Variants in EFHD2 observed in about 807,000 individuals in gnomAD.
EFHD2 encodes EF-hand domain family member D2.
EFHD2 carries 12 observed loss-of-function variants against 20.3 expected under a neutral mutation model. The ratio of observed to expected loss-of-function variants is 0.59; its 90% CI spans 0.38 to 0.96. The LOEUF is 0.96. EFHD2 is among the 40% of genes least tolerant of loss of function. The probability of loss-of-function intolerance (pLI) is 0.00; values close to 1 mark genes in which losing one functional copy is unlikely to be tolerated. For missense variants in EFHD2, 250 were observed against 334.3 expected (o/e 0.75, Z 1.97); for synonymous variants, 131 against 143.9 (o/e 0.91, Z 0.64).
At chr1:15,414,494 C>A (rs1484961965) in intron 1 of EFHD2, among the ~76,000 whole-genome samples, 1 of 152,270 alleles carries the variant, frequency 6.6e-6, no homozygotes, top group Non-Finnish European at 1.5e-5. Context: ...TGTTGTATGG[C>A]GCTTAGCCCA....
At chr1:15,417,524 G>T (rs1707693567) in intron 1 of EFHD2, among the ~76,000 whole-genome samples, 1 of 152,192 alleles carries the variant, frequency 6.6e-6, no homozygotes, top group Middle Eastern at 3.4e-3. Context: ...CCGTGGGGGA[G>T]CCCCAAGCGC....
chr1:15,417,090 C>T (rs1440201726), intron 1 of EFHD2, among the ~76,000 whole-genome samples: 2 of 152,186 alleles, frequency 1.3e-5, no homozygotes, highest in Non-Finnish European at 2.9e-5. Context: ...GGATTACAGG[C>T]ATGAGCCACC....
chr1:15,423,174 G>A (rs1299865480), intron 1 of EFHD2, among the ~76,000 whole-genome samples: 1 of 152,220 alleles, frequency 6.6e-6, no homozygotes, highest in Non-Finnish European at 1.5e-5. Flanking sequence ...CCAGCTCCAG[G>A]TGGAGGCTGG....
rs895699755 is a variant in EFHD2 at position 15,413,064 on chromosome 1, G to A, written c.308+2785G>A. On this transcript the variant is annotated intron_variant, in intron 1 of 3. Transcript: ENST00000375980. The surrounding 1 kb of genome is among the most constrained non-coding windows in gnomAD (Gnocchi z 4.4). ...CACTGTGCCAACCGAGCCCAACCCC[G>A]CCGCCAACAGACGGGCTCTCGTGGA... Among the ~76,000 whole-genome samples the A allele has an allele frequency of 2.6e-5, 4 of 152,176 alleles. No individual in the cohort carries two copies. Among genetic ancestry groups the A allele is most frequent in the East Asian group, 3.9e-4 (2 of 5,186 alleles).
At chr1:15,427,069 TG>T in intron 2 of EFHD2, 80 bp from the exon 3 acceptor site, 2 of 1,546,220 alleles carry the variant, frequency 1.3e-6, no homozygotes, top group Admixed American at 1.8e-5. Context: ...GGCCTGAGGC[TG>T]GGGCCTGGGT....
chr1:15,425,181 GGTGA>G (rs999357773), intron 1 of EFHD2, among the ~76,000 whole-genome samples: 1 of 152,146 alleles, frequency 6.6e-6, no homozygotes, highest in African/African-American at 2.4e-5. Context: ...TCATGGAGGT[GGTGA>G]GTGAGTGCTC....
At chr1:15,421,292 G>C (rs1707785756) in intron 1 of EFHD2, among the ~76,000 whole-genome samples, 1 of 152,148 alleles carries the variant, frequency 6.6e-6, no homozygotes, top group South Asian at 2.1e-4. Flanking sequence ...CTGATCCCCT[G>C]CACTAGACCA....
rs558599734 is a variant in EFHD2 at position 15,428,683 on chromosome 1, C to T, written c.682C>T (p.Arg228Trp). ...RKKQAEEMKQ[R>W]KAAFKELQST... ...GAAGCAGGCGGAGGAGATGAAGCAG[C>T]GGAAAGCGGCCTTCAAGGAGCTGCA... is the stretch of plus-strand genomic sequence containing the variant. Residue 228 changes from arginine to tryptophan, a missense_variant, in exon 4 of 4, where the codon CGG becomes TGG. Around this residue, in one of 3 missense-constraint regions of EFHD2, gnomAD observed 100 missense variants for 116.2 expected, o/e 0.86. Coordinates refer to ENST00000375980, the MANE Select transcript of EFHD2 (RefSeq NM_024329.6). The T allele has an allele frequency of 3.7e-6, 6 of 1,603,222 alleles. No individual in the cohort carries two copies. The highest frequency in any genetic ancestry group is 2.7e-5 in the African/African-American group (2 of 74,780).
intron 1 of EFHD2, among the ~76,000 whole-genome samples, chr1:15,410,830 C>T (rs1006199111): frequency 6.7e-6 from 1 of 148,400 alleles, no homozygotes; most frequent in Admixed American, 7.0e-5. Context: ...AAGGTCTTTT[C>T]GTTTCCTCTG....
In EFHD2 at chr1:15,413,148, G is replaced by C. The variant is rs1434707739; in HGVS notation, c.308+2869G>C. 6.6e-6 allele frequency among the ~76,000 whole-genome samples: 1 copy of C among 152,190 alleles called. No individual in the cohort carries two copies. Among genetic ancestry groups the C allele is most frequent in the African/African-American group, 2.4e-5 (1 of 41,454 alleles). ...TGGGGCTGCAGCCTCCTGGGTCCAA[G>C]CAGGGTCCTAGGATCAAAGCCAGGG... On this transcript the variant is annotated intron_variant, in intron 1 of 3. Transcript: ENST00000375980. This position sits in a 1 kb window ranked among gnomAD's most constrained non-coding sequence, Gnocchi z 4.4.
Position 15,418,548 on chromosome 1 carries a change from G to A in EFHD2, c.309-7323G>A, listed in dbSNP as rs555149578. On this transcript the variant is annotated intron_variant, in intron 1 of 3. Transcript: ENST00000375980. ...TCTCAATCTCCTGACCTTGTGATCC[G>A]CCCGCCTTGGCCTCCCAAAGTGCTG... Among the ~76,000 whole-genome samples the A allele has an allele frequency of 5.4e-4, 82 of 151,918 alleles. 1 individual carries two copies. The South Asian group carries it at 8.5e-3, about 16-fold the overall frequency.
Position 15,410,141 on chromosome 1 carries a change from C to T in EFHD2, c.170C>T (p.Ala57Val), listed in dbSNP as rs575192001. ...ALGSADCELS[A>V]KLLRRADLNQ... The stretch of plus-strand genomic sequence containing the variant: ...GGCAGCGCGGACTGCGAGCTGAGCG[C>T]CAAGCTGCTGCGGCGCGCAGACCTC... Residue 57 changes from alanine to valine, a missense_variant, in exon 1 of 4, where the codon GCC becomes GTC. By Grantham distance (64) the Ala-to-Val change is moderately conservative (BLOSUM62 0). This residue lies in a region of EFHD2 where 143 missense variants were observed against 190.6 expected (regional missense o/e 0.75). Transcript: ENST00000375980. 1.9e-6 allele frequency: 3 copies of T among 1,592,602 alleles called. No homozygotes were observed. Among genetic ancestry groups the T allele is most frequent in the Non-Finnish European group, 2.6e-6 (3 of 1,171,990 alleles).
intron 1 of EFHD2, 26 bp downstream of exon 1, chr1:15,410,305 C>T (rs1478451148): frequency 3.9e-6 from 6 of 1,557,440 alleles, no homozygotes; most frequent in Non-Finnish European, 5.2e-6. Flanking sequence ...ACCCGGCCCC[C>T]CGCCCGCCCC....
intron 1 of EFHD2, among the ~76,000 whole-genome samples, chr1:15,423,087 C>T (rs987765326): frequency 3.3e-5 from 5 of 152,184 alleles, no homozygotes; most frequent in Admixed American, 6.5e-5. Context: ...ATGTGGCGCC[C>T]GCCCAGCCCT....
In EFHD2 at chr1:15,410,184, G is replaced by C; in HGVS notation, c.213G>C (p.Glu71Asp). ...CAGACCTCAACCAGGGCATCGGCGA[G>C]CCCCAGTCGCCCAGCCGCCGCGTCT... ...RRADLNQGIG[E>D]PQSPSRRVFN... The change falls in exon 1 of 4, where the codon GAG becomes GAC. Residue 71 changes from glutamate to aspartate, a missense_variant. Physicochemically the swap from Glu to Asp is conservative, Grantham distance 45. This residue lies in a region of EFHD2 where 143 missense variants were observed against 190.6 expected (regional missense o/e 0.75). Coordinates refer to ENST00000375980, the MANE Select transcript of EFHD2 (RefSeq NM_024329.6). The C allele has an allele frequency of 6.2e-7, 1 of 1,605,388 alleles. No homozygotes were observed.
At chr1:15,415,808 C>T (rs1177639711) in intron 1 of EFHD2, among the ~76,000 whole-genome samples, 2 of 152,044 alleles carry the variant, frequency 1.3e-5, no homozygotes, top group East Asian at 1.9e-4. Flanking sequence ...TCATTTTTAT[C>T]CCCATTTGAC....
intron 1 of EFHD2, among the ~76,000 whole-genome samples, chr1:15,422,415 G>A (rs917593754): frequency 4.6e-5 from 7 of 151,858 alleles, no homozygotes; most frequent in African/African-American, 1.7e-4. Context: ...TTGCGGTGGG[G>A]CCACCCTATG....
chr1:15,424,660 G>A (rs116266321), intron 1 of EFHD2, among the ~76,000 whole-genome samples: 2,653 of 152,228 alleles, frequency 0.017, 80 homozygotes, highest in African/African-American at 0.06. Flanking sequence ...TCCTGCCCCC[G>A]TCCTGCTCTG....
chr1:15,418,452 C>CCCG (rs1707722251), intron 1 of EFHD2, among the ~76,000 whole-genome samples: 1 of 151,274 alleles, frequency 6.6e-6, no homozygotes, highest in East Asian at 2.0e-4. Flanking sequence ...ACTACAGGCG[C>CCCG]CCACCATCAC....
Sources: gnomAD v4.1 joint callset for allele counts (sites outside exome capture counted in the v4.1 genomes callset) on GRCh38, gnomAD v4.1.1 for gene constraint, gnomAD v4.1.1 regional missense constraint, Gnocchi (gnomAD v3.1) non-coding constraint, MANE v1.5 for transcripts, NCBI Gene and HGNC (gene_info 2026-07-23, HGNC 2026-07-21) for gene names.